PARP1: variants seen among roughly 807,000 people sequenced by gnomAD.
PARP1 encodes poly(ADP-ribose) polymerase 1.
In PARP1, 44 loss-of-function variants were observed where a neutral mutation model predicts 118.7. The ratio of observed to expected loss-of-function variants is 0.37; its 90% CI spans 0.29 to 0.48. The LOEUF (loss-of-function observed/expected upper bound fraction) is 0.48, where lower values mean the gene tolerates loss of function less well. Among genes scored for constraint, PARP1 ranks in the 20% least tolerant of loss-of-function variants. The pLI, the probability that PARP1 is intolerant of heterozygous loss-of-function variation, is 0.99. For missense variants in PARP1, 1,100 were observed against 1,272.4 expected, an observed-to-expected ratio of 0.86 and a Z score of 2.06; for synonymous variants, 492 against 483.2, an observed-to-expected ratio of 1.02 and a Z score of -0.24.
At chr1:226,388,615 AC>A (rs1445988969) in intron 5 of PARP1, 40 bp downstream of exon 5, 1 of 1,307,222 alleles carries the variant, frequency 7.6e-7, no homozygotes, top group South Asian at 1.2e-5. Flanking sequence ...GAGAATCCAG[AC>A]AGCAGAATGT....
chr1:226,381,823 A>C (rs1050915635), intron 8 of PARP1, among the ~76,000 whole-genome samples: 4 of 152,224 alleles, frequency 2.6e-5, no homozygotes, highest in Non-Finnish European at 5.9e-5. Context: ...CCCGTCCAGA[A>C]CTGGAGTAGC....
chr1:226,377,478 T>C (rs1349874193), intron 12 of PARP1, among the ~76,000 whole-genome samples, 175 bp from the exon 13 acceptor site: 2 of 152,314 alleles, frequency 1.3e-5, no homozygotes, highest in East Asian at 3.9e-4. Context: ...TTTATTTTAC[T>C]TTTCATTAAA....
At chr1:226,381,604 A>G (rs1210080552) in intron 8 of PARP1, among the ~76,000 whole-genome samples, 1 of 152,214 alleles carries the variant, frequency 6.6e-6, no homozygotes, top group Non-Finnish European at 1.5e-5. Flanking sequence ...TATTCTCCCA[A>G]ACAAACTGCA....
In PARP1 at chr1:226,390,541, G is replaced by A. The variant is rs1664804059; in HGVS notation, c.486C>T (p.Cys162=). 3 of 1,614,226 alleles carry A rather than the reference G, an allele frequency of 1.9e-6. No homozygotes were observed. In the South Asian group the frequency reaches 3.3e-5, roughly 18 times the overall value. ...GMIDRWYHPG[C]FVKNREELGF... Reference sequence around the variant, plus strand: ...CCAGCTCCTCCCTGTTCTTGACAAAGCAGCCTGGATGGTACCAGCGGTCAA... The same window carrying A: ...CCAGCTCCTCCCTGTTCTTGACAAAACAGCCTGGATGGTACCAGCGGTCAA... Residue 162 remains cysteine, a synonymous_variant, in exon 4 of 23, where the codon TGC becomes TGT. Coordinates refer to ENST00000366794, the MANE Select transcript of PARP1 (RefSeq NM_001618.4).
Position 226,373,845 on chromosome 1 carries a change from C to T in PARP1, c.2070+381G>A, listed in dbSNP as rs562816662. On this transcript the variant is annotated intron_variant, in intron 14 of 22. Coordinates refer to ENST00000366794, the MANE Select transcript of PARP1 (RefSeq NM_001618.4). ...AAAAATACAAAGGGTGGGCCGGGCA[C>T]GATGGCTCACACCTATATTCCTAGC... Among the ~76,000 whole-genome samples the T allele has an allele frequency of 1.7e-4, 26 of 152,210 alleles. No individual in the cohort carries two copies. In the South Asian group the frequency reaches 4.6e-3, roughly 27 times the overall value.
At chr1:226,367,281 TC>T in intron 17 of PARP1, 198 bp downstream of exon 17, 2 of 643,560 alleles carry the variant, frequency 3.1e-6, no homozygotes, top group South Asian at 1.8e-5. Context: ...AGGTGCATTA[TC>T]TACACGTGAA....
rs1051741507 is a variant in PARP1, at chr1:226,360,951, A to C, written c.*509T>G. The C allele has an allele frequency of 1.3e-5, 3 of 225,612 alleles. No individual in the cohort carries two copies. The highest frequency in any genetic ancestry group is 6.8e-5 in the African/African-American group (3 of 44,208). The allele number at this position is 225,612 out of a possible 1,614,324, so 14.0% of individuals were successfully genotyped here. A position where few individuals can be genotyped will look rare whatever the true frequency, so the allele number is the denominator to read the frequency against. On this transcript the variant is annotated 3_prime_UTR_variant, in exon 23 of 23. Transcript: ENST00000366794. ...ACACCCCTCACCACAAGAGGCAAAC[A>C]AAAAAAACTAAAAAGGGGACAATAA...
chr1:226,373,250 T>C (rs1026213303), intron 14 of PARP1, among the ~76,000 whole-genome samples: 4 of 152,122 alleles, frequency 2.6e-5, no homozygotes, highest in African/African-American at 4.8e-5. Context: ...AGCAACCCCA[T>C]GGAGAAGGGT....
chr1:226,381,192 G>C lies in PARP1; in HGVS notation c.1176C>G (p.Asn392Lys). ...GCTTCCCGAGAGTCAGGATCTTCAT[G>C]TTGGATAATGGCTTATCTGGGATGA... ...SSASADKPLSNMKILTLGKLS... is the reference protein window; with the variant it reads ...SSASADKPLSKMKILTLGKLS... Residue 392 changes from asparagine to lysine, a missense_variant, in exon 9 of 23, where the codon AAC (asparagine) becomes AAG (lysine). Physicochemically the swap from Asn to Lys is moderately conservative, Grantham distance 94. Coordinates refer to ENST00000366794, the MANE Select transcript of PARP1 (RefSeq NM_001618.4). The C allele has an allele frequency of 6.2e-7, 1 of 1,614,146 alleles. No homozygotes were observed.
Position 226,379,247 on chromosome 1 carries a change from T to G in PARP1, c.1640A>C (p.Glu547Ala), listed in dbSNP as rs766309591. ...SGLEHSAHVLEKGGKVFSATL... is the reference protein window; with the variant it reads ...SGLEHSAHVLAKGGKVFSATL... ...GGCACTGAAGACCTTCCCACCTTTC[T>G]CCAGGACATGCGCAGAGTGTTCCAG... Residue 547 changes from glutamate to alanine, a missense_variant, in exon 12 of 23, where the codon GAG becomes GCG. Transcript: ENST00000366794. The G allele has an allele frequency of 6.2e-7, 1 of 1,614,256 alleles. No homozygotes were observed. The highest frequency in any genetic ancestry group is 8.5e-7 in the Non-Finnish European group (1 of 1,180,046).
In PARP1 at chr1:226,407,958, A is replaced by G. The variant is rs542097508; in HGVS notation, c.-29T>C. The G allele has an allele frequency of 6.2e-7, 1 of 1,611,716 alleles. No individual in the cohort carries two copies. Among genetic ancestry groups the G allele is most frequent in the South Asian group, 1.1e-5 (1 of 91,036 alleles). On this transcript the variant is annotated 5_prime_UTR_variant, in exon 1 of 23. Transcript: ENST00000366794. The stretch of plus-strand genomic sequence containing the variant: ...CCCCTAGCTGCCGCCAAAGCTCCGG[A>G]AGCCCGACGCCACGACCTAGAAACA...
In PARP1 at chr1:226,399,073, C is replaced by CTT. The variant is rs34094559; in HGVS notation, c.286+3139_286+3140dup. The stretch of plus-strand genomic sequence containing the variant: ...TCAATACGACAAGACATGGAGGAAT[C>CTT]TTTTTTTTTTTTTTTTTTTGAGATG... On this transcript the variant is annotated intron_variant, in intron 2 of 22. Transcript: ENST00000366794. Among the ~76,000 whole-genome samples the CTT allele has an allele frequency of 2.3e-3, 290 of 125,760 alleles. 6 individuals carry two copies. The highest frequency in any genetic ancestry group is 5.0e-3 in the East Asian group (21 of 4,194). 82.5% of individuals were successfully genotyped at this position (125,760 alleles called of 152,430 possible). A position where few individuals can be genotyped will look rare whatever the true frequency, so the allele number is the denominator to read the frequency against.
intron 18 of PARP1, among the ~76,000 whole-genome samples, chr1:226,365,634 G>A (rs897112572): frequency 6.6e-6 from 1 of 152,020 alleles, no homozygotes; most frequent in Non-Finnish European, 1.5e-5. Flanking sequence ...GAGTGTGGTG[G>A]CTCACGCCTG....
chr1:226,371,908 C>T (rs918408733), intron 14 of PARP1, among the ~76,000 whole-genome samples: 1 of 152,250 alleles, frequency 6.6e-6, no homozygotes, highest in Non-Finnish European at 1.5e-5. Context: ...ACAGGCCGCC[C>T]TCACTACTGG....
In PARP1 at chr1:226,379,960, G is replaced by C. The variant is rs183533639; in HGVS notation, c.1505C>G (p.Ala502Gly). 1.2e-5 allele frequency: 19 copies of C among 1,613,926 alleles called. No individual in the cohort carries two copies. The East Asian group carries it at 3.6e-4, about 30-fold the overall frequency. The change falls in exon 10 of 23, where the codon GCG becomes GGG. Residue 502 changes from alanine to glycine, a missense_variant. By Grantham distance (60) the Ala-to-Gly change is moderately conservative (BLOSUM62 0). Coordinates refer to ENST00000366794, the MANE Select transcript of PARP1 (RefSeq NM_001618.4). Reference protein sequence around the residue: ...VVAPRGKSGAALSKKSKGQVK... With the variant: ...VVAPRGKSGAGLSKKSKGQVK... ...CTGGCCCTTGCTTTTTTTGGAGAGC[G>C]CAGCCCCTGACTTCCCTCTTGGGGC...
intron 2 of PARP1, among the ~76,000 whole-genome samples, chr1:226,400,968 T>C (rs564923777): frequency 3.3e-5 from 5 of 152,226 alleles, no homozygotes; most frequent in South Asian, 2.1e-4. Context: ...GGCACTGTGC[T>C]TGCCCTCCTG....
intron 2 of PARP1, 85 bp downstream of exon 2, chr1:226,402,129 G>A (rs765084158): frequency 1.2e-5 from 19 of 1,611,998 alleles, no homozygotes; most frequent in Non-Finnish European, 1.5e-5. Flanking sequence ...AGCTGGGGGA[G>A]GTTTGCTTTG....
chr1:226,363,586 C>T (rs1209995763), intron 20 of PARP1, among the ~76,000 whole-genome samples: 1 of 152,164 alleles, frequency 6.6e-6, no homozygotes, highest in African/African-American at 2.4e-5. Context: ...ATTAAAATTC[C>T]AGTTCCATTT....
At position 226,402,302 on chromosome 1, in the gene PARP1, G is replaced by A. The variant is rs1294842290; in HGVS notation, c.198C>T (p.His66=). The A allele has an allele frequency of 1.9e-6, 3 of 1,614,066 alleles. No homozygotes were observed. The highest frequency in any genetic ancestry group is 2.5e-6 in the Non-Finnish European group (3 of 1,180,032). ...CFWKVGHSIR[H]PDVEVDGFSE... is the part of the protein sequence containing the mutation. ...AGAACCCATCCACCTCAACGTCAGG[G>A]TGCCGGATGGAGTGGCCCACCTTCC... The change falls in exon 2 of 23, where the codon CAC becomes CAT. Residue 66 remains histidine, a synonymous_variant. Transcript: ENST00000366794.
Sources: gnomAD v4.1 joint callset for allele counts (sites outside exome capture counted in the v4.1 genomes callset) on GRCh38, gnomAD v4.1.1 for gene constraint, MANE v1.5 for transcripts, NCBI Gene and HGNC (gene_info 2026-07-23, HGNC 2026-07-21) for gene names.